The following ACTR2 variants were observed in gnomAD, a reference collection of about 807,000 sequenced individuals.
ACTR2 encodes actin-related protein 2.
A neutral mutation model predicts 50.2 loss-of-function variants in ACTR2; 5 were observed. The observed-to-expected ratio is 0.10, with a 90% CI of 0.05 to 0.21. ACTR2 has a LOEUF of 0.21. Ranked by LOEUF, ACTR2 falls within the 10% of genes least tolerant of loss-of-function variation. The pLI, the probability that ACTR2 is intolerant of heterozygous loss-of-function variation, is 1.00. For missense variants in ACTR2, 180 were observed against 480.6 expected (o/e 0.37, Z 5.85); for synonymous variants, 140 against 162.9 (o/e 0.86, Z 1.07).
intron 1 of ACTR2, among the ~76,000 whole-genome samples, chr2:65,237,524 G>C (rs1029080913): frequency 2.0e-5 from 3 of 152,066 alleles, no homozygotes; most frequent in Admixed American, 6.6e-5. Flanking sequence ...TTACAGGTGT[G>C]AGCCACTGGG....
At position 65,268,615 on chromosome 2, in the gene ACTR2, C is replaced by G; in HGVS notation, c.1066C>G (p.Leu356Val). The G allele has an allele frequency of 6.2e-7, 1 of 1,614,008 alleles. No individual in the cohort carries two copies. The highest frequency in any genetic ancestry group is 8.5e-7 in the Non-Finnish European group (1 of 1,179,966). Residue 356 changes from leucine (L) to valine (V), a missense_variant, in exon 9 of 9, where the codon CTG becomes GTG. Transcript: ENST00000260641. ...ACCCCGCAGAAAGCACATGGTATTCCTGGGTGGTGCAGTTCTAGCGGATAT... is the reference window on the plus strand; with the variant it reads ...ACCCCGCAGAAAGCACATGGTATTCGTGGGTGGTGCAGTTCTAGCGGATAT... ...DPPRRKHMVF[L>V]GGAVLADIMK...
chr2:65,240,603 T>C (rs1201638583), intron 2 of ACTR2, among the ~76,000 whole-genome samples: 1 of 152,184 alleles, frequency 6.6e-6, no homozygotes, highest in East Asian at 1.9e-4. Context: ...GATCGATTTT[T>C]CTCCCATATT....
chr2:65,246,559 A>G lies in ACTR2; in HGVS notation c.195A>G (p.Arg65=). The change falls in exon 3 of 9, where the codon CGA becomes CGG. Residue 65 remains arginine (R), a synonymous_variant. Transcript: ENST00000260641. ...TTGGTGATGAGGCAAGTGAATTACG[A>G]TCAATGTTAGAAGTTAACTACCCTA... ...LMVGDEASEL[R]SMLEVNYPME... The G allele has an allele frequency of 1.2e-6, 2 of 1,612,050 alleles. No homozygotes were observed. The highest frequency in any genetic ancestry group is 1.7e-6 in the Non-Finnish European group (2 of 1,179,328).
At chr2:65,260,957 C>G (rs1367910147) in intron 6 of ACTR2, among the ~76,000 whole-genome samples, 2 of 152,038 alleles carry the variant, frequency 1.3e-5, no homozygotes, top group Non-Finnish European at 2.9e-5. Context: ...GTCTCAATCT[C>G]CTGACCTTGT....
chr2:65,231,222 A>G (rs1019290988), intron 1 of ACTR2, among the ~76,000 whole-genome samples: 2 of 152,274 alleles, frequency 1.3e-5, no homozygotes, highest in African/African-American at 2.4e-5. Flanking sequence ...AGTTATTTTA[A>G]AATTTTATGC....
At chr2:65,237,477 A>T (rs1307677569) in intron 1 of ACTR2, among the ~76,000 whole-genome samples, 1 of 152,060 alleles carries the variant, frequency 6.6e-6, no homozygotes, top group African/African-American at 2.4e-5. Context: ...TCTGGGCTCA[A>T]GTGATCTACC....
At chr2:65,242,310 CTTGT>C (rs1200873235) in intron 2 of ACTR2, among the ~76,000 whole-genome samples, 2 of 151,968 alleles carry the variant, frequency 1.3e-5, no homozygotes, top group Admixed American at 6.6e-5. Flanking sequence ...AATTGTTTTC[CTTGT>C]TTTTCTTGTA....
rs1402693093 is a variant in ACTR2, at chr2:65,228,931, T to C, written c.48+974T>C. 2.6e-5 allele frequency among the ~76,000 whole-genome samples: 4 copies of C among 152,060 alleles called. No homozygotes were observed. The East Asian group carries it at 7.7e-4, about 29-fold the overall frequency. On this transcript the variant is annotated intron_variant, in intron 1 of 8. Coordinates refer to ENST00000260641, the MANE Select transcript of ACTR2 (RefSeq NM_005722.4). ...CCGGTCTCTACTAAAAATACAAAAA[T>C]TAGCCGGCCGTGGTGGTGCTTGCCT...
At chr2:65,256,883 A>G (rs1481979970) in intron 6 of ACTR2, among the ~76,000 whole-genome samples, 2 of 151,860 alleles carry the variant, frequency 1.3e-5, no homozygotes, top group Non-Finnish European at 2.9e-5. Context: ...GTAAAAAAAA[A>G]AAAAAAAAAA....
chr2:65,235,782 G>T lies in ACTR2; in HGVS notation c.49-4070G>T, dbSNP rs554369421. On this transcript the variant is annotated intron_variant, in intron 1 of 8. Transcript: ENST00000260641. ...TAAAATAAAATAAAATAATCCAAAA[G>T]AATTGTATTATACTTTTAGAAATGG... is the stretch of plus-strand genomic sequence containing the variant. Among the ~76,000 whole-genome samples, 43 of 152,020 alleles carry T rather than the reference G, an allele frequency of 2.8e-4. No homozygotes were observed. In the Middle Eastern group the frequency reaches 0.01, roughly 36 times the overall value.
chr2:65,244,254 TG>T (rs1185749498), intron 2 of ACTR2, among the ~76,000 whole-genome samples: 10 of 152,190 alleles, frequency 6.6e-5, no homozygotes, highest in Non-Finnish European at 1.5e-5. Flanking sequence ...TATTTCAAAT[TG>T]GTTGAAATAA....
intron 1 of ACTR2, 72 bp downstream of exon 1, chr2:65,228,029 C>G (rs1270846270): frequency 1.4e-6 from 2 of 1,415,492 alleles, no homozygotes; most frequent in Non-Finnish European, 1.9e-6. Flanking sequence ...CACGGGCCCT[C>G]GGCCCCCAGG....
At chr2:65,267,050 G>T (rs1482811188) in intron 8 of ACTR2, among the ~76,000 whole-genome samples, 1 of 152,182 alleles carries the variant, frequency 6.6e-6, no homozygotes, top group African/African-American at 2.4e-5. Context: ...CAGGGTTAAG[G>T]TAGTGTGTGA....
chr2:65,244,428 T>G (rs1671897253), intron 2 of ACTR2, among the ~76,000 whole-genome samples: 1 of 152,212 alleles, frequency 6.6e-6, no homozygotes, highest in Non-Finnish European at 1.5e-5. Flanking sequence ...GAAATGATTT[T>G]ACAATGAAAC....
chr2:65,256,908 A>G (rs1364999623), intron 6 of ACTR2, among the ~76,000 whole-genome samples: 3 of 151,396 alleles, frequency 2.0e-5, no homozygotes, highest in Non-Finnish European at 4.4e-5. Context: ...TAAGATAGTG[A>G]TCCAAATATT....
In ACTR2 at chr2:65,263,770, T is replaced by C. The variant is rs144449713; in HGVS notation, c.882-1273T>C. Among the ~76,000 whole-genome samples, 482 of 152,330 alleles carry C rather than the reference T, an allele frequency of 3.2e-3. 3 individuals carry two copies. Among genetic ancestry groups the C allele is most frequent in the African/African-American group, 0.011 (440 of 41,568 alleles). On this transcript the variant is annotated intron_variant, in intron 7 of 8. Coordinates refer to ENST00000260641, the MANE Select transcript of ACTR2 (RefSeq NM_005722.4). ...AAAAGTACATGCCAGCTGGGCGCGG[T>C]GGCTCACGCCTGTAATCCCAGCACT... is the stretch of plus-strand genomic sequence containing the variant.
intron 1 of ACTR2, among the ~76,000 whole-genome samples, chr2:65,232,276 G>T (rs1671653418): frequency 6.6e-6 from 1 of 152,174 alleles, no homozygotes; most frequent in Non-Finnish European, 1.5e-5. Context: ...CAAAATGAAG[G>T]TTTCTCCAGT....
chr2:65,251,323 G>T (rs1672046344), intron 4 of ACTR2, among the ~76,000 whole-genome samples: 1 of 151,760 alleles, frequency 6.6e-6, no homozygotes, highest in Admixed American at 6.6e-5. Flanking sequence ...AAGGCTTAAA[G>T]ACTTATTTTT....
intron 7 of ACTR2, among the ~76,000 whole-genome samples, chr2:65,263,110 G>A (rs909813158): frequency 2.6e-5 from 4 of 151,252 alleles, no homozygotes; most frequent in South Asian, 2.1e-4. Flanking sequence ...GTGCAGTCTC[G>A]GCTCACTGCA....
Sources: gnomAD v4.1 joint callset for allele counts (sites outside exome capture counted in the v4.1 genomes callset) on GRCh38, gnomAD v4.1.1 for gene constraint, MANE v1.5 for transcripts, NCBI Gene and HGNC (gene_info 2026-07-23, HGNC 2026-07-21) for gene names.